RBFOX1: variants seen among roughly 807,000 people sequenced by gnomAD.
The protein encoded by RBFOX1 is RNA binding protein fox-1 homolog 1.
RBFOX1 carries 8 observed loss-of-function variants against 57.7 expected under a neutral mutation model. That is an observed-to-expected ratio of 0.14 (90% confidence interval 0.08 to 0.25). The LOEUF (loss-of-function observed/expected upper bound fraction) is 0.25, where lower values mean the gene tolerates loss of function less well. Among genes scored for constraint, RBFOX1 ranks in the 10% least tolerant of loss-of-function variants. RBFOX1 has a pLI of 1.00. For missense variants in RBFOX1, 611 were observed against 548.5 expected, an observed-to-expected ratio of 1.11 and a Z score of -1.14; for synonymous variants, 326 against 222.4, an observed-to-expected ratio of 1.47 and a Z score of -4.15.
intron 1 of RBFOX1, among the ~76,000 whole-genome samples, chr16:6,068,987 AG>A (rs947511570): frequency 6.6e-6 from 1 of 152,060 alleles, no homozygotes; most frequent in African/African-American, 2.4e-5. Context: ...CCTGCTACAA[AG>A]TAGGCGTTTA....
chr16:5,537,535 C>T (rs913649164), intron 2 of RBFOX1, among the ~76,000 whole-genome samples: 7 of 152,182 alleles, frequency 4.6e-5, no homozygotes, highest in African/African-American at 1.4e-4. Flanking sequence ...TGTTTCCTTG[C>T]TTATATGTGT....
chr16:5,775,506 A>G (rs1305521324), intron 3 of RBFOX1, among the ~76,000 whole-genome samples: 1 of 152,198 alleles, frequency 6.6e-6, no homozygotes, highest in Non-Finnish European at 1.5e-5. Context: ...CTTCTATCAC[A>G]AATGATAAAA....
At chr16:7,677,159 A>ACACACACACACACACACACC (rs1568412758) in intron 14 of RBFOX1, among the ~76,000 whole-genome samples, 2 of 151,324 alleles carry the variant, frequency 1.3e-5, no homozygotes, top group African/African-American at 2.4e-5. Flanking sequence ...ACACACACAC[A>ACACACACACACACACACACC]CCGTACAACC....
chr16:6,134,398 C>G (rs187424184), intron 1 of RBFOX1, among the ~76,000 whole-genome samples: 18 of 152,316 alleles, frequency 1.2e-4, no homozygotes, highest in Non-Finnish European at 2.1e-4. Flanking sequence ...ATTACAGGAT[C>G]TGATGGATAT....
At chr16:7,281,602 G>A (rs181474621) in intron 4 of RBFOX1, among the ~76,000 whole-genome samples, 203 of 152,182 alleles carry the variant, frequency 1.3e-3, no homozygotes, top group Non-Finnish European at 2.4e-3. Flanking sequence ...GGAAGTCAGA[G>A]AAAATACACA....
chr16:6,868,628 C>G (rs187374888), intron 3 of RBFOX1, among the ~76,000 whole-genome samples: 1 of 152,054 alleles, frequency 6.6e-6, no homozygotes, highest in East Asian at 1.9e-4. Context: ...CACACCACCA[C>G]GCCCAGCTAA....
intron 2 of RBFOX1, among the ~76,000 whole-genome samples, chr16:6,602,742 T>G (rs2097869327): frequency 7.3e-6 from 1 of 137,354 alleles, no homozygotes; most frequent in Non-Finnish European, 1.6e-5. Context: ...TTTTTTCCAC[T>G]TGCTGCTTTA....
At chr16:5,714,177 C>G (rs762445845) in intron 3 of RBFOX1, among the ~76,000 whole-genome samples, 7 of 152,206 alleles carry the variant, frequency 4.6e-5, no homozygotes, top group Non-Finnish European at 7.3e-5. Context: ...TAGCCTCATT[C>G]TTTACTCTTC....
intron 4 of RBFOX1, among the ~76,000 whole-genome samples, chr16:7,195,371 T>C (rs936803391): frequency 6.6e-6 from 1 of 152,152 alleles, no homozygotes; most frequent in Non-Finnish European, 1.5e-5. Context: ...GTGTGCAAAT[T>C]TGTCCACTGT....
At chr16:6,089,490 A>T (rs573441089) in intron 1 of RBFOX1, among the ~76,000 whole-genome samples, 65 of 152,354 alleles carry the variant, frequency 4.3e-4, no homozygotes, top group African/African-American at 1.6e-3. Context: ...GCTGGTAGGG[A>T]CTGCATGCTG....
chr16:5,968,492 G>A (rs2059896938), intron 4 of RBFOX1, among the ~76,000 whole-genome samples: 1 of 152,080 alleles, frequency 6.6e-6, no homozygotes, highest in Non-Finnish European at 1.5e-5. Flanking sequence ...TAGAACACGT[G>A]GGTCACTTTA....
intron 1 of RBFOX1, among the ~76,000 whole-genome samples, chr16:5,241,582 C>T (rs112653300): frequency 0.014 from 2,072 of 152,294 alleles, 28 homozygotes; most frequent in Middle Eastern, 0.031. Flanking sequence ...ACATGGCACA[C>T]GCCAGTTACC....
chr16:6,961,848 C>T (rs1407983970), intron 3 of RBFOX1, among the ~76,000 whole-genome samples: 4 of 152,132 alleles, frequency 2.6e-5, no homozygotes, highest in African/African-American at 9.7e-5. Context: ...CCAGAAGTCA[C>T]TTTCCTTGCC....
At chr16:6,263,617 C>G (rs886413853) in intron 1 of RBFOX1, among the ~76,000 whole-genome samples, 2 of 152,210 alleles carry the variant, frequency 1.3e-5, no homozygotes, top group Admixed American at 6.5e-5. Context: ...CTGTCTCTCT[C>G]TCTCCTTCCT....
chr16:6,512,997 C>A lies in RBFOX1; in HGVS notation c.-63-141606C>A, dbSNP rs151133322. ...AAGCAGAATAATTTTGTTACGAATT[C>A]CTACTTCTCATCGATGTCTCCTTCC... On this transcript the variant is annotated intron_variant, in intron 2 of 15. Transcript: ENST00000550418. Among the ~76,000 whole-genome samples, 580 of 152,262 alleles carry A rather than the reference C, an allele frequency of 3.8e-3. 5 individuals carry two copies. The highest frequency in any genetic ancestry group is 0.013 in the African/African-American group (559 of 41,564).
intron 3 of RBFOX1, among the ~76,000 whole-genome samples, chr16:6,684,869 C>T (rs1229299590): frequency 6.6e-6 from 1 of 152,114 alleles, no homozygotes; most frequent in East Asian, 1.9e-4. Context: ...ATCCTTCATG[C>T]AAAAGGAGCT....
intron 3 of RBFOX1, among the ~76,000 whole-genome samples, chr16:5,619,149 G>C (rs1230049859): frequency 6.6e-6 from 1 of 152,172 alleles, no homozygotes; most frequent in African/African-American, 2.4e-5. Context: ...CGTGCAAAGG[G>C]GTTACCTGTG....
intron 4 of RBFOX1, among the ~76,000 whole-genome samples, chr16:7,123,040 TA>T (rs2067556846): frequency 6.6e-6 from 1 of 151,668 alleles, no homozygotes; most frequent in South Asian, 2.1e-4. Flanking sequence ...TGCCAGGGAT[TA>T]GGGGTTGGGG....
At chr16:6,940,655 C>T (rs1169565056) in intron 3 of RBFOX1, among the ~76,000 whole-genome samples, 11 of 151,976 alleles carry the variant, frequency 7.2e-5, no homozygotes, top group Admixed American at 3.9e-4. Context: ...TGGAGTGGAG[C>T]GACGCGATCT....
Sources: allele counts gnomAD v4.1 joint callset (sites outside exome capture counted in the v4.1 genomes callset), GRCh38; gene constraint gnomAD v4.1.1; transcripts MANE v1.5; gene names NCBI Gene and HGNC (gene_info 2026-07-23, HGNC 2026-07-21).